TMEM38B: variants seen among roughly 807,000 people sequenced by gnomAD.
TMEM38B encodes the protein transmembrane protein 38B.
Under a neutral mutation model 28.7 loss-of-function variants are expected in TMEM38B, and 24 were observed. The ratio of observed to expected loss-of-function variants is 0.84; its 90% CI spans 0.61 to 1.18. TMEM38B has a LOEUF of 1.18. Among genes scored for constraint, TMEM38B ranks in the 50% most tolerant of loss-of-function variants. The pLI is 0.00. For missense variants in TMEM38B, 380 were observed against 350.9 expected, an observed-to-expected ratio of 1.08 and a Z score of -0.66; for synonymous variants, 131 against 127.7, an observed-to-expected ratio of 1.03 and a Z score of -0.17.
chr9:105,707,062 G>A (rs1835698953), intron 2 of TMEM38B, among the ~76,000 whole-genome samples: 1 of 152,136 alleles, frequency 6.6e-6, no homozygotes, highest in Non-Finnish European at 1.5e-5. Flanking sequence ...ACAGGCGTGA[G>A]CCACCATGCC....
intron 5 of TMEM38B, among the ~76,000 whole-genome samples, chr9:105,755,538 A>G (rs553595046): frequency 1.3e-5 from 2 of 152,348 alleles, no homozygotes; most frequent in East Asian, 1.9e-4. Context: ...TTGTTTGACT[A>G]TTCTGGATCA....
At chr9:105,703,227 G>A (rs949628593) in intron 1 of TMEM38B, among the ~76,000 whole-genome samples, 26 of 152,320 alleles carry the variant, frequency 1.7e-4, no homozygotes, top group Admixed American at 5.2e-4. Flanking sequence ...GCTCATGCCT[G>A]TAATCCCAGC....
At chr9:105,718,677 G>C (rs1259349446) in intron 2 of TMEM38B, among the ~76,000 whole-genome samples, 2 of 151,994 alleles carry the variant, frequency 1.3e-5, no homozygotes, top group Non-Finnish European at 2.9e-5. Context: ...ACAATAACTT[G>C]GTATGTCATA....
At chr9:105,699,568 T>A (rs1835396185) in intron 1 of TMEM38B, among the ~76,000 whole-genome samples, 1 of 152,206 alleles carries the variant, frequency 6.6e-6, no homozygotes, top group South Asian at 2.1e-4. Flanking sequence ...GGATTAACTC[T>A]TTTCTGCCTA....
chr9:105,767,748 A>G (rs1826421689), intron 5 of TMEM38B, among the ~76,000 whole-genome samples: 2 of 152,294 alleles, frequency 1.3e-5, no homozygotes, highest in East Asian at 1.9e-4. Flanking sequence ...CATTGCTTCT[A>G]TGTACATTGC....
intron 4 of TMEM38B, among the ~76,000 whole-genome samples, chr9:105,726,485 ATCT>A (rs1836518065): frequency 6.6e-6 from 1 of 152,108 alleles, no homozygotes; most frequent in East Asian, 1.9e-4. Flanking sequence ...CAATATCATC[ATCT>A]TCCACCTCCA....
chr9:105,703,998 C>T (rs565437612), intron 1 of TMEM38B, among the ~76,000 whole-genome samples: 14 of 149,232 alleles, frequency 9.4e-5, no homozygotes, highest in Admixed American at 2.7e-4. Flanking sequence ...AACCAAACAC[C>T]GCATATTCTC....
At chr9:105,714,231 T>G (rs1367778412) in intron 2 of TMEM38B, among the ~76,000 whole-genome samples, 1 of 152,076 alleles carries the variant, frequency 6.6e-6, no homozygotes, top group Non-Finnish European at 1.5e-5. Flanking sequence ...AGCTGCACAC[T>G]CAACAGGATG....
rs1835205892 is a variant in TMEM38B at position 105,694,601 on chromosome 9, C to G, written c.-60C>G. The stretch of plus-strand genomic sequence containing the variant: ...GGCTGTGCCCTCTCCTACTCCTCAC[C>G]GCGCGAGCGCGGGGAACCAGTAGCC... On this transcript the variant is annotated 5_prime_UTR_variant, in exon 1 of 6. Coordinates refer to ENST00000374692, the MANE Select transcript of TMEM38B (RefSeq NM_018112.3). The G allele has an allele frequency of 6.8e-7, 1 of 1,465,150 alleles. No individual in the cohort carries two copies. Among genetic ancestry groups the G allele is most frequent in the Non-Finnish European group, 9.5e-7 (1 of 1,048,500 alleles). The allele number at this position is 1,465,150 out of a possible 1,614,324, so 90.8% of individuals were successfully genotyped here.
intron 4 of TMEM38B, among the ~76,000 whole-genome samples, chr9:105,743,928 G>A (rs906974183): frequency 1.3e-5 from 2 of 152,128 alleles, no homozygotes; most frequent in African/African-American, 2.4e-5. Flanking sequence ...GAAATATTGT[G>A]TATAGAAATG....
At chr9:105,703,363 CA>C (rs1280322246) in intron 1 of TMEM38B, among the ~76,000 whole-genome samples, 6 of 152,290 alleles carry the variant, frequency 3.9e-5, no homozygotes, top group South Asian at 2.1e-4. Flanking sequence ...CATGTCTCTA[CA>C]AAGGACATGA....
At chr9:105,698,541 C>T (rs1267625864) in intron 1 of TMEM38B, among the ~76,000 whole-genome samples, 3 of 151,610 alleles carry the variant, frequency 2.0e-5, no homozygotes, top group Non-Finnish European at 4.4e-5. Flanking sequence ...TACATTATTA[C>T]GTTTTTTAAA....
At chr9:105,719,684 T>A (rs1056701975) in intron 2 of TMEM38B, among the ~76,000 whole-genome samples, 1 of 152,184 alleles carries the variant, frequency 6.6e-6, no homozygotes, top group Non-Finnish European at 1.5e-5. Context: ...GCAAATTTTT[T>A]AATGTCTTAT....
At chr9:105,757,967 G>A (rs753454665) in intron 5 of TMEM38B, among the ~76,000 whole-genome samples, 1 of 152,216 alleles carries the variant, frequency 6.6e-6, no homozygotes, top group Non-Finnish European at 1.5e-5. Flanking sequence ...CTATTTTTAG[G>A]TATAACCAAC....
In TMEM38B at chr9:105,748,083, G is replaced by A; in HGVS notation, c.553G>A (p.Val185Ile). The A allele has an allele frequency of 6.2e-7, 1 of 1,612,098 alleles. No individual in the cohort carries two copies. Among genetic ancestry groups the A allele is most frequent in the South Asian group, 1.1e-5 (1 of 90,692 alleles). ...GTGTTTTATTTTCAGCCCTGCCAAG[G>A]TAACCCTGCTGGGGTCAGTTATCTT... is the stretch of plus-strand genomic sequence containing the variant. ...EWLKMSYPAK[V>I]TLLGSVIFTF... Residue 185 changes from valine (V) to isoleucine (I), a missense_variant, in exon 5 of 6, where the codon GTA becomes ATA. Physicochemically the swap from Val to Ile is conservative, Grantham distance 29. Transcript: ENST00000374692.
chr9:105,698,956 A>G (rs559422681), intron 1 of TMEM38B, among the ~76,000 whole-genome samples: 10 of 152,212 alleles, frequency 6.6e-5, no homozygotes, highest in East Asian at 3.9e-4. Flanking sequence ...TTCCAAGTCT[A>G]TTGGAGTAAA....
In TMEM38B at chr9:105,710,342, T is replaced by G. The variant is rs1835854658; in HGVS notation, c.269+4589T>G. The G allele has an allele frequency of 4.8e-5, 34 of 714,906 alleles. 1 individual carries two copies. The South Asian group carries it at 5.4e-4, about 11-fold the overall frequency. 44.3% of individuals were successfully genotyped at this position (714,906 alleles called of 1,614,324 possible). On this transcript the variant is annotated intron_variant, in intron 2 of 5. Coordinates refer to ENST00000374692, the MANE Select transcript of TMEM38B (RefSeq NM_018112.3). ...ACTCTGTGGTCTTCCAGCCAGTCTA[T>G]TTCTAGGATTATATGATCTTCTATA... is the stretch of plus-strand genomic sequence containing the variant.
intron 5 of TMEM38B, among the ~76,000 whole-genome samples, chr9:105,762,278 T>G (rs976066535): frequency 2.6e-5 from 4 of 151,992 alleles, no homozygotes; most frequent in Non-Finnish European, 4.4e-5. Context: ...TTATTATACT[T>G]TAAGTTTTAG....
At chr9:105,720,260 A>G (rs780510114) in intron 2 of TMEM38B, among the ~76,000 whole-genome samples, 1 of 152,002 alleles carries the variant, frequency 6.6e-6, no homozygotes, top group Non-Finnish European at 1.5e-5. Flanking sequence ...CATCATGCTG[A>G]GTTTTAGGTT....
Sources: allele counts gnomAD v4.1 joint callset (sites outside exome capture counted in the v4.1 genomes callset), GRCh38; gene constraint gnomAD v4.1.1; transcripts MANE v1.5; gene names NCBI Gene and HGNC (gene_info 2026-07-23, HGNC 2026-07-21).